LIPC: variants seen among roughly 807,000 people sequenced by gnomAD.
The protein encoded by LIPC is lipase C, hepatic type, also known as hepatic triacylglycerol lipase.
Under a neutral mutation model 50.7 loss-of-function variants are expected in LIPC, and 44 were observed. That is an observed-to-expected ratio of 0.87 (90% CI 0.68 to 1.11). The LOEUF (loss-of-function observed/expected upper bound fraction) is 1.11, where lower values mean the gene tolerates loss of function less well. LIPC is among the 50% of genes most tolerant of loss of function. The probability of loss-of-function intolerance (pLI) is 0.00; values close to 1 mark genes in which losing one functional copy is unlikely to be tolerated. For missense variants in LIPC, 697 were observed against 648.2 expected (o/e 1.08, Z -0.82); for synonymous variants, 271 against 256.4 (o/e 1.06, Z -0.54).
chr15:58,463,345 G>A (rs1328088977), intron 1 of LIPC, among the ~76,000 whole-genome samples: 3 of 152,180 alleles, frequency 2.0e-5, no homozygotes, highest in Non-Finnish European at 2.9e-5. Context: ...CGGGAAAAGG[G>A]CTTGATCCCT....
chr15:58,469,102 TTGTGTGTGTGTGTGTGTGTGTG>T (rs56309142), intron 1 of LIPC, among the ~76,000 whole-genome samples: 10 of 140,624 alleles, frequency 7.1e-5, no homozygotes, highest in African/African-American at 1.1e-4. Flanking sequence ...AGGGAACATT[TTGTGTGTGTGTGTGTGTGTGTG>T]TGTGTGTGTG....
intron 6 of LIPC, among the ~76,000 whole-genome samples, chr15:58,556,042 A>C (rs1026508386): frequency 6.6e-6 from 1 of 152,200 alleles, no homozygotes; most frequent in Non-Finnish European, 1.5e-5. Flanking sequence ...GGATGAGGAC[A>C]GCAGGGGTAG....
intron 1 of LIPC, among the ~76,000 whole-genome samples, chr15:58,438,771 A>T (rs76626593): frequency 1.2e-4 from 19 of 152,354 alleles, no homozygotes; most frequent in African/African-American, 4.6e-4. Context: ...TCGGAGTTCC[A>T]GGAGAGGGTT....
intron 1 of LIPC, chr15:58,533,319 A>G (rs1893011889): frequency 4.2e-6 from 1 of 237,150 alleles, no homozygotes; most frequent in Admixed American, 6.5e-5. Context: ...TACAAATAAG[A>G]CTGCTGGAAA....
chr15:58,537,344 G>A (rs1163459501), intron 1 of LIPC, among the ~76,000 whole-genome samples: 1 of 152,174 alleles, frequency 6.6e-6, no homozygotes, highest in African/African-American at 2.4e-5. Context: ...TCATAGTGAG[G>A]CTCCCCCAGA....
chr15:58,492,733 G>GT lies in LIPC; in HGVS notation c.89-45594dup, dbSNP rs1891627039. ...TGGTGCCTGGAATTCCTCTATTTTTGTTTTTTGTTCTGTTTTGTTTTAAAG... is the reference window on the plus strand; with the variant it reads ...TGGTGCCTGGAATTCCTCTATTTTTGTTTTTTTGTTCTGTTTTGTTTTAAAG... On this transcript the variant is annotated intron_variant, in intron 1 of 8. Transcript: ENST00000299022. Among the ~76,000 whole-genome samples, 3 of 152,048 alleles carry GT rather than the reference G, an allele frequency of 2.0e-5. No individual in the cohort carries two copies. The South Asian group carries it at 6.2e-4, about 31-fold the overall frequency.
intron 4 of LIPC, among the ~76,000 whole-genome samples, chr15:58,545,202 G>A (rs1021033852): frequency 6.6e-6 from 1 of 151,840 alleles, no homozygotes; most frequent in Non-Finnish European, 1.5e-5. Flanking sequence ...AAACTGATTT[G>A]CTCAAGTAAA....
At chr15:58,562,455 G>A (rs966718156) in intron 7 of LIPC, among the ~76,000 whole-genome samples, 3 of 152,106 alleles carry the variant, frequency 2.0e-5, no homozygotes, top group Non-Finnish European at 4.4e-5. Flanking sequence ...AGCCTGCTCT[G>A]CCAGCCTCCC....
intron 1 of LIPC, among the ~76,000 whole-genome samples, chr15:58,530,547 T>G (rs1430177486): frequency 6.6e-6 from 1 of 152,258 alleles, no homozygotes; most frequent in Non-Finnish European, 1.5e-5. Flanking sequence ...ATTGCTTGAC[T>G]ATAGTGCAGT....
chr15:58,512,103 CTT>C (rs1163187152), intron 1 of LIPC, among the ~76,000 whole-genome samples: 2 of 144,814 alleles, frequency 1.4e-5, no homozygotes, highest in Non-Finnish European at 1.5e-5. Flanking sequence ...TTTTCTTTTT[CTT>C]TTTTTTTTTT....
At chr15:58,543,389 C>T (rs1282756379) in intron 4 of LIPC, among the ~76,000 whole-genome samples, 1 of 152,138 alleles carries the variant, frequency 6.6e-6, no homozygotes, top group African/African-American at 2.4e-5. Context: ...GCCTCTCCTC[C>T]TGCTGATCCC....
At chr15:58,490,396 A>G (rs8041525) in intron 1 of LIPC, among the ~76,000 whole-genome samples, 17,673 of 152,258 alleles carry the variant, frequency 0.12, 1,255 homozygotes, top group Non-Finnish European at 0.17. Flanking sequence ...TAATCTGAAC[A>G]TATTTCTTAC....
At chr15:58,500,284 T>G (rs1869143) in intron 1 of LIPC, among the ~76,000 whole-genome samples, 15,884 of 152,196 alleles carry the variant, frequency 0.1, 1,084 homozygotes, top group Middle Eastern at 0.18. Context: ...TGGAAATGAC[T>G]GCTGCATAGG....
intron 1 of LIPC, among the ~76,000 whole-genome samples, chr15:58,528,878 A>G (rs1211340449): frequency 1.3e-5 from 2 of 152,176 alleles, no homozygotes; most frequent in Non-Finnish European, 2.9e-5. Flanking sequence ...TTACAGGTAC[A>G]ATCACTGCCA....
At chr15:58,462,899 G>A (rs1398511063) in intron 1 of LIPC, among the ~76,000 whole-genome samples, 1 of 152,192 alleles carries the variant, frequency 6.6e-6, no homozygotes, top group African/African-American at 2.4e-5. Context: ...AGAGTTATTG[G>A]CGGAGTTATT....
intron 1 of LIPC, among the ~76,000 whole-genome samples, chr15:58,496,743 C>A (rs1324670941): frequency 5.3e-5 from 6 of 114,176 alleles, no homozygotes; most frequent in South Asian, 3.0e-4. Context: ...TCTTCCCCCT[C>A]AAAAAAAAAA....
intron 1 of LIPC, among the ~76,000 whole-genome samples, chr15:58,524,429 G>C (rs556219465): frequency 2.0e-5 from 3 of 152,336 alleles, no homozygotes; most frequent in Admixed American, 1.3e-4. Context: ...TCGTAAGTGT[G>C]CAGATATAGC....
chr15:58,566,596 C>A (rs1894373135), intron 8 of LIPC: 1 of 376,188 alleles, frequency 2.7e-6, no homozygotes, highest in Non-Finnish European at 3.7e-6. Context: ...GGTTAAGTAA[C>A]TTGCTCTGTG....
At chr15:58,530,462 T>C (rs1892926242) in intron 1 of LIPC, among the ~76,000 whole-genome samples, 1 of 152,244 alleles carries the variant, frequency 6.6e-6, no homozygotes, top group African/African-American at 2.4e-5. Context: ...CTTATGCAAG[T>C]AACTACCACA....
Sources: allele counts gnomAD v4.1 joint callset (sites outside exome capture counted in the v4.1 genomes callset), GRCh38; gene constraint gnomAD v4.1.1; transcripts MANE v1.5; gene names NCBI Gene and HGNC (gene_info 2026-07-23, HGNC 2026-07-21).